FAT3: variants seen among roughly 807,000 people sequenced by gnomAD.
The protein encoded by FAT3 is protocadherin Fat 3.
A neutral mutation model predicts 310.2 loss-of-function variants in FAT3; 95 were observed. That is an observed-to-expected ratio of 0.31 (90% CI 0.26 to 0.36). The LOEUF is 0.36. Among genes scored for constraint, FAT3 ranks in the 10% least tolerant of loss-of-function variants. FAT3 has a pLI of 1.00. For synonymous variants in FAT3, 2,314 were observed against 2,192.9 expected (o/e 1.06, Z -1.54); for missense variants, 5,408 against 5,715.6 (o/e 0.95, Z 1.74).
intron 22 of FAT3, among the ~76,000 whole-genome samples, chr11:92,877,706 A>G (rs1416844653): frequency 6.6e-6 from 1 of 152,184 alleles, no homozygotes; most frequent in African/African-American, 2.4e-5. Flanking sequence ...TTCTATTGCT[A>G]TACTCTTCAA....
chr11:92,594,377 T>C (rs1170013053), intron 3 of FAT3, among the ~76,000 whole-genome samples: 3 of 152,066 alleles, frequency 2.0e-5, no homozygotes, highest in Non-Finnish European at 1.5e-5. Flanking sequence ...AGGAGGTGGA[T>C]GTTGCAGTGA....
chr11:92,568,885 C>G (rs1334766872), intron 3 of FAT3, among the ~76,000 whole-genome samples: 1 of 152,148 alleles, frequency 6.6e-6, no homozygotes, highest in Non-Finnish European at 1.5e-5. Context: ...CATGTGGATA[C>G]CTGTCAACCC....
chr11:92,504,897 T>C (rs1953052916), intron 2 of FAT3, among the ~76,000 whole-genome samples: 1 of 152,088 alleles, frequency 6.6e-6, no homozygotes, highest in South Asian at 2.1e-4. Flanking sequence ...GGGTAGGTTA[T>C]AAGTATGGTG....
At chr11:92,569,700 T>A (rs1955602945) in intron 3 of FAT3, among the ~76,000 whole-genome samples, 1 of 152,210 alleles carries the variant, frequency 6.6e-6, no homozygotes, top group Non-Finnish European at 1.5e-5. Context: ...CCCACCGTAT[T>A]CATGAGAAAT....
Position 92,302,004 on chromosome 11 carries a change from T to C in FAT3, c.-17-50092T>C, listed in dbSNP as rs114079700. On this transcript the variant is annotated intron_variant, in intron 1 of 27. Coordinates refer to ENST00000525166, the MANE Select transcript of FAT3 (RefSeq NM_001367949.2). Reference sequence around the variant, plus strand: ...AAGGGGTTAACTGCTGAAACTCTGCTTCAGGGATGAAAATGTGTATGCATA... The same window carrying C: ...AAGGGGTTAACTGCTGAAACTCTGCCTCAGGGATGAAAATGTGTATGCATA... Among the ~76,000 whole-genome samples, 911 of 152,180 alleles carry C rather than the reference T, an allele frequency of 6.0e-3. 12 individuals carry two copies. The highest frequency in any genetic ancestry group is 0.02 in the African/African-American group (849 of 41,528).
At chr11:92,874,622 C>T (rs1412084035) in intron 22 of FAT3, among the ~76,000 whole-genome samples, 1 of 152,224 alleles carries the variant, frequency 6.6e-6, no homozygotes, top group Non-Finnish European at 1.5e-5. Context: ...TCACCACAAC[C>T]TCCGCCTCCT....
intron 2 of FAT3, among the ~76,000 whole-genome samples, chr11:92,442,081 T>TTATATA (rs869247397): frequency 1.5e-3 from 104 of 69,964 alleles, no homozygotes; most frequent in Non-Finnish European, 1.8e-3. Flanking sequence ...AATATATATT[T>TTATATA]TATATATATA....
chr11:92,422,750 T>C (rs1416670936), intron 2 of FAT3, among the ~76,000 whole-genome samples: 2 of 152,038 alleles, frequency 1.3e-5, no homozygotes, highest in Non-Finnish European at 2.9e-5. Context: ...GAACATGGCT[T>C]TGGACTTTCT....
At chr11:92,496,834 T>C (rs1200778849) in intron 2 of FAT3, among the ~76,000 whole-genome samples, 1 of 151,998 alleles carries the variant, frequency 6.6e-6, no homozygotes, top group Non-Finnish European at 1.5e-5. Context: ...TCTGGTTTTA[T>C]TGGAGAGTGC....
At chr11:92,680,938 G>A (rs1943465033) in intron 3 of FAT3, among the ~76,000 whole-genome samples, 1 of 152,110 alleles carries the variant, frequency 6.6e-6, no homozygotes, top group Non-Finnish European at 1.5e-5. Context: ...AACTTTTAGT[G>A]GTAGAGTCAA....
At chr11:92,604,695 G>A (rs981949922) in intron 3 of FAT3, among the ~76,000 whole-genome samples, 1 of 152,082 alleles carries the variant, frequency 6.6e-6, no homozygotes, top group African/African-American at 2.4e-5. Context: ...GTATCACTTT[G>A]CCCTGCTCCC....
chr11:92,748,598 C>T (rs1945740393), intron 4 of FAT3: 1 of 152,166 alleles, frequency 6.6e-6, no homozygotes, highest in Admixed American at 6.5e-5. Flanking sequence ...AGTAAGTATA[C>T]ATCTCCTGAA....
intron 3 of FAT3, among the ~76,000 whole-genome samples, chr11:92,566,934 G>C (rs36188135): frequency 0.39 from 59,137 of 151,598 alleles, 12,254 homozygotes; most frequent in Middle Eastern, 0.53. Context: ...CATAAAAACC[G>C]TAGAAGAAAA....
chr11:92,677,798 G>A (rs909198337), intron 3 of FAT3, among the ~76,000 whole-genome samples: 28 of 152,296 alleles, frequency 1.8e-4, no homozygotes, highest in Admixed American at 3.3e-4. Context: ...ACACACAAAC[G>A]ATGCAATGAC....
intron 9 of FAT3, among the ~76,000 whole-genome samples, chr11:92,796,905 C>T (rs946355401): frequency 6.6e-6 from 1 of 152,178 alleles, no homozygotes; most frequent in Non-Finnish European, 1.5e-5. Flanking sequence ...AGTGTCATGG[C>T]CAGAGCCCTT....
At chr11:92,869,651 CAG>C (rs754060564) in intron 22 of FAT3, among the ~76,000 whole-genome samples, 46 of 151,992 alleles carry the variant, frequency 3.0e-4, no homozygotes, top group Non-Finnish European at 4.7e-4. Flanking sequence ...TCGTGCCAAA[CAG>C]GGGAGAGAAA....
chr11:92,319,834 T>C (rs1408764393), intron 1 of FAT3, among the ~76,000 whole-genome samples: 2 of 152,214 alleles, frequency 1.3e-5, no homozygotes, highest in Admixed American at 6.5e-5. Flanking sequence ...AGAATGCTTG[T>C]ACTAGTGTTT....
chr11:92,844,176 G>C lies in FAT3; in HGVS notation c.10809G>C (p.Gly3603=). The C allele has an allele frequency of 6.2e-7, 1 of 1,614,036 alleles. No individual in the cohort carries two copies. Among genetic ancestry groups the C allele is most frequent in the Non-Finnish European group, 8.5e-7 (1 of 1,179,902 alleles). Residue 3603 remains glycine, a synonymous_variant, in exon 19 of 28, where the codon GGG becomes GGC. Coordinates refer to ENST00000525166, the MANE Select transcript of FAT3 (RefSeq NM_001367949.2). The stretch of plus-strand genomic sequence containing the variant: ...TATTTAAAGTGAACAGTCACGATGG[G>C]AAAATCATCGCCCTGGGAGGCCTGG... ...KSLFKVNSHD[G]KIIALGGLDS...
intron 18 of FAT3, among the ~76,000 whole-genome samples, chr11:92,842,645 G>A (rs2136287024): frequency 6.6e-6 from 1 of 152,320 alleles, no homozygotes; most frequent in South Asian, 2.1e-4. Context: ...GCCAAGGCAG[G>A]AGGATTGCTT....
Sources: allele counts gnomAD v4.1 joint callset (sites outside exome capture counted in the v4.1 genomes callset), GRCh38; gene constraint gnomAD v4.1.1; transcripts MANE v1.5; gene names NCBI Gene and HGNC (gene_info 2026-07-23, HGNC 2026-07-21).